ACSM4: variants seen among roughly 807,000 people sequenced by gnomAD.
The protein encoded by ACSM4 is acyl-coenzyme A synthetase ACSM4, mitochondrial.
A neutral mutation model predicts 73.0 loss-of-function variants in ACSM4; 66 were observed. The observed-to-expected ratio is 0.90, with a 90% CI of 0.74 to 1.11. ACSM4 has a LOEUF of 1.11. Ranked by LOEUF, ACSM4 falls within the 50% of genes least tolerant of loss-of-function variation. The pLI, the probability that ACSM4 is intolerant of heterozygous loss-of-function variation, is 0.00. For synonymous variants in ACSM4, 222 were observed against 254.0 expected (o/e 0.87, Z 1.20); for missense variants, 645 against 714.4 (o/e 0.90, Z 1.11).
chr12:7,313,201 T>C (rs1416084378), intron 3 of ACSM4, among the ~76,000 whole-genome samples: 2 of 152,100 alleles, frequency 1.3e-5, no homozygotes, highest in Admixed American at 1.3e-4. Context: ...ATCTATTGAG[T>C]CCCCAAGAAA....
Position 7,324,522 on chromosome 12 carries a change from T to G in ACSM4, c.1460T>G (p.Val487Gly). Residue 487 changes from valine to glycine, a missense_variant, in exon 11 of 13, where the codon GTG becomes GGG. By Grantham distance (109) the Val-to-Gly change is moderately radical (BLOSUM62 -3). Transcript: ENST00000399422. ...SSGYRIGPFE[V>G]ESALIEHPAV... ...AGGTACCGTATTGGGCCATTTGAAG[T>G]GGAGAGTGCACTCATTGAGCATCCA... 1 of 1,613,954 alleles carries G rather than the reference T, an allele frequency of 6.2e-7. No homozygotes were observed.
chr12:7,306,728 G>A lies in ACSM4; in HGVS notation c.397G>A (p.Ala133Thr). 4.3e-6 allele frequency: 7 copies of A among 1,609,750 alleles called. No homozygotes were observed. The highest frequency in any genetic ancestry group is 5.9e-6 in the Non-Finnish European group (7 of 1,178,208). ...RIPEWWLVNV[A>T]CIRTGIIFMP... ...CCCTGAGTGGTGGCTGGTCAATGTA[G>A]CTTGCATACGAACAGGTCAGTGCCA... is the stretch of plus-strand genomic sequence containing the variant. The change falls in exon 2 of 13, where the codon GCT (alanine) becomes ACT (threonine). Residue 133 changes from alanine to threonine, a missense_variant. Physicochemically the swap from Ala to Thr is moderately conservative, Grantham distance 58. Transcript: ENST00000399422.
chr12:7,323,612 T>C, intron 9 of ACSM4, 52 bp downstream of exon 9: 1 of 1,497,000 alleles, frequency 6.7e-7, no homozygotes, highest in Non-Finnish European at 9.3e-7. Flanking sequence ...GGGTTCAAAT[T>C]TCATTTCCAC....
chr12:7,310,222 A>G (rs1040645394), intron 2 of ACSM4, among the ~76,000 whole-genome samples: 2 of 152,254 alleles, frequency 1.3e-5, no homozygotes, highest in Non-Finnish European at 2.9e-5. Context: ...GCCCACCATT[A>G]TAATGTCTGC....
Position 7,309,501 on chromosome 12 carries a change from A to C in ACSM4, c.413-1038A>C, listed in dbSNP as rs775678258. 6.6e-5 allele frequency among the ~76,000 whole-genome samples: 10 copies of C among 152,344 alleles called. No homozygotes were observed. In the South Asian group the frequency reaches 8.3e-4, roughly 13 times the overall value. ...GTATGCATATTATGAAACATACAAA[A>C]ATGAGATAAAAGCATTAAAAGAATT... On this transcript the variant is annotated intron_variant, in intron 2 of 12. Transcript: ENST00000399422.
At chr12:7,308,893 G>A (rs954194228) in intron 2 of ACSM4, among the ~76,000 whole-genome samples, 13 of 152,174 alleles carry the variant, frequency 8.5e-5, no homozygotes, top group African/African-American at 2.9e-4. Flanking sequence ...GGTCTTGGAA[G>A]TGTGGGAAAT....
At chr12:7,321,215 A>C (rs1258599590) in intron 6 of ACSM4, among the ~76,000 whole-genome samples, 1 of 152,184 alleles carries the variant, frequency 6.6e-6, no homozygotes, top group Non-Finnish European at 1.5e-5. Flanking sequence ...TCTTTTAAAA[A>C]CACTGTCATT....
intron 6 of ACSM4, 147 bp from the exon 7 acceptor site, chr12:7,322,271 C>G: frequency 9.3e-7 from 1 of 1,076,230 alleles, no homozygotes; most frequent in Non-Finnish European, 1.4e-6. Context: ...GGCAATATAG[C>G]AGGTGTTCAA....
intron 3 of ACSM4, among the ~76,000 whole-genome samples, chr12:7,315,147 G>T (rs1446593647): frequency 6.8e-6 from 1 of 146,220 alleles, no homozygotes; most frequent in African/African-American, 2.5e-5. Flanking sequence ...AGTGAGCCGA[G>T]ATTATGCCAC....
At chr12:7,317,115 TC>T (rs1186517930) in intron 3 of ACSM4, 21 bp from the exon 4 acceptor site, 6 of 1,601,182 alleles carry the variant, frequency 3.7e-6, no homozygotes, top group Non-Finnish European at 5.1e-6. Context: ...TCCACCGCCA[TC>T]TTGGGGTCCA....
At chr12:7,313,173 C>T (rs1006536420) in intron 3 of ACSM4, among the ~76,000 whole-genome samples, 5 of 152,152 alleles carry the variant, frequency 3.3e-5, no homozygotes, top group Admixed American at 1.3e-4. Context: ...GACTCCTGTC[C>T]TAAACAACTT....
intron 9 of ACSM4, among the ~76,000 whole-genome samples, chr12:7,323,799 G>C (rs897335986): frequency 6.6e-6 from 1 of 152,124 alleles, no homozygotes; most frequent in African/African-American, 2.4e-5. Flanking sequence ...GGTGCAGTTG[G>C]GGGGTGCTAG....
chr12:7,304,459 G>T lies in ACSM4; in HGVS notation c.128G>T (p.Arg43Leu). 1 of 1,613,946 alleles carries T rather than the reference G, an allele frequency of 6.2e-7. No homozygotes were observed. Among genetic ancestry groups the T allele is most frequent in the Non-Finnish European group, 8.5e-7 (1 of 1,179,872 alleles). The part of the protein sequence containing the change: ...LTLADFEAIN[R>L]CNRPLPKNFN... ...CTTGCTGACTTTGAAGCCATAAATC[G>T]CTGTAACAGGCCATTGCCTAAAAAC... Residue 43 changes from arginine (R) to leucine (L), a missense_variant, in exon 1 of 13, where the codon CGC becomes CTC. Arg to Leu is a moderately radical substitution (Grantham distance 102, BLOSUM62 -2). Transcript: ENST00000399422.
rs770284854 is a variant in ACSM4, at chr12:7,304,286, G to A, written c.-46G>A. On this transcript the variant is annotated 5_prime_UTR_variant, in exon 1 of 13. Transcript: ENST00000399422. ...CTCTATCCATCTCTCCCTACAGGCT[G>A]TAGTACTTCTGTGTCCATAGCAGTA... The A allele has an allele frequency of 5.7e-6, 9 of 1,567,948 alleles. No individual in the cohort carries two copies. The highest frequency in any genetic ancestry group is 7.9e-6 in the Non-Finnish European group (9 of 1,138,792).
In ACSM4 at chr12:7,322,648, G is replaced by C. The variant is rs994450106; in HGVS notation, c.1125+107G>C. Reference sequence around the variant, plus strand: ...CCATCCCACTGTAAATTTTTATAGAGTTTCCCGGGATACCTCACCTTGCCA... The same window carrying C: ...CCATCCCACTGTAAATTTTTATAGACTTTCCCGGGATACCTCACCTTGCCA... On this transcript the variant is annotated intron_variant, in intron 7 of 12. Coordinates refer to ENST00000399422, the MANE Select transcript of ACSM4 (RefSeq NM_001080454.2). 4 of 1,403,434 alleles carry C rather than the reference G, an allele frequency of 2.9e-6. No individual in the cohort carries two copies. In the African/African-American group the frequency reaches 5.8e-5, roughly 20 times the overall value. 86.9% of individuals were successfully genotyped at this position (1,403,434 alleles called of 1,614,324 possible).
intron 9 of ACSM4, 143 bp from the exon 10 acceptor site, chr12:7,324,130 T>C: frequency 1.0e-6 from 1 of 986,118 alleles, no homozygotes; most frequent in Non-Finnish European, 1.4e-6. Context: ...GGCTCCAGTC[T>C]AGGCAACAGA....
chr12:7,306,667 G>A lies in ACSM4; in HGVS notation c.336G>A (p.Gln112=). The part of the protein sequence containing the change: ...ANVLTKPCGL[Q]RGDRLAVILP... ...TGCTCACCAAGCCCTGTGGCCTGCA[G>A]AGAGGAGACCGTTTGGCCGTGATTC... The change falls in exon 2 of 13, where the codon CAG becomes CAA. Residue 112 remains glutamine, a synonymous_variant. Coordinates refer to ENST00000399422, the MANE Select transcript of ACSM4 (RefSeq NM_001080454.2). 1 of 1,611,280 alleles carries A rather than the reference G, an allele frequency of 6.2e-7. No individual in the cohort carries two copies. Among genetic ancestry groups the A allele is most frequent in the Non-Finnish European group, 8.5e-7 (1 of 1,178,864 alleles).
chr12:7,317,308 G>A (rs750241006), intron 4 of ACSM4, 28 bp downstream of exon 4: 2 of 1,536,548 alleles, frequency 1.3e-6, no homozygotes, highest in Non-Finnish European at 8.8e-7. Context: ...GTTTGTTTTT[G>A]GTGAACTCCC....
rs781065882 is a variant in ACSM4, at chr12:7,310,708, A to G, written c.582A>G (p.Gln194=). Residue 194 remains glutamine, a synonymous_variant, in exon 3 of 13, where the codon CAA becomes CAG. Transcript: ENST00000399422. ...DLKTKLLVSP[Q]SWNGWLSFQE... Reference sequence around the variant, plus strand: ...AGACAAAACTCCTGGTGTCTCCACAAAGCTGGAATGGGTGGCTCAGCTTCC... The same window carrying G: ...AGACAAAACTCCTGGTGTCTCCACAGAGCTGGAATGGGTGGCTCAGCTTCC... 1 of 1,613,566 alleles carries G rather than the reference A, an allele frequency of 6.2e-7. No homozygotes were observed. Among genetic ancestry groups the G allele is most frequent in the Non-Finnish European group, 8.5e-7 (1 of 1,179,726 alleles).
Sources: allele counts gnomAD v4.1 joint callset (sites outside exome capture counted in the v4.1 genomes callset), GRCh38; gene constraint gnomAD v4.1.1; transcripts MANE v1.5; gene names NCBI Gene and HGNC (gene_info 2026-07-23, HGNC 2026-07-21).